Variants in ARNT2 observed in about 807,000 individuals in gnomAD.
ARNT2 encodes the protein ARNT protein 2.
Under a neutral mutation model 91.7 loss-of-function variants are expected in ARNT2, and 36 were observed. The ratio of observed to expected loss-of-function variants is 0.39; its 90% CI spans 0.30 to 0.52. The LOEUF (loss-of-function observed/expected upper bound fraction) is 0.52, where lower values mean the gene tolerates loss of function less well. Among genes scored for constraint, ARNT2 ranks in the 20% least tolerant of loss-of-function variants. The pLI, the probability that ARNT2 is intolerant of heterozygous loss-of-function variation, is 0.72. For missense variants in ARNT2, 775 were observed against 939.3 expected (o/e 0.83, Z 2.29); for synonymous variants, 365 against 347.1 (o/e 1.05, Z -0.57).
rs80123318 is a variant in ARNT2, at chr15:80,584,106, G to A, written c.1918+2702G>A. ...AGTGAACAGGTGATAGAGTGGAGAC[G>A]AAGCTGAGCAGGAGAGCAGGAAGGG... is the stretch of plus-strand genomic sequence containing the variant. On this transcript the variant is annotated intron_variant, in intron 17 of 18. Coordinates refer to ENST00000303329, the MANE Select transcript of ARNT2 (RefSeq NM_014862.4). 3.6e-3 allele frequency among the ~76,000 whole-genome samples: 551 copies of A among 152,332 alleles called. 2 individuals are homozygous for A. The highest frequency in any genetic ancestry group is 0.011 in the African/African-American group (455 of 41,578).
intron 1 of ARNT2, among the ~76,000 whole-genome samples, chr15:80,414,005 G>C (rs571784011): frequency 1.3e-5 from 2 of 152,350 alleles, no homozygotes; most frequent in East Asian, 1.9e-4. Context: ...GTCAGTAGAT[G>C]AGCTGAGTTC....
At chr15:80,515,090 A>G (rs1039190550) in intron 8 of ARNT2, among the ~76,000 whole-genome samples, 1 of 152,228 alleles carries the variant, frequency 6.6e-6, no homozygotes, top group African/African-American at 2.4e-5. Context: ...TCTCACTAAG[A>G]TGGTTAAAAG....
At chr15:80,450,185 G>A (rs993384634) in intron 1 of ARNT2, among the ~76,000 whole-genome samples, 137 of 152,332 alleles carry the variant, frequency 9.0e-4, no homozygotes, top group Middle Eastern at 3.4e-3. Context: ...CAATGTGCAG[G>A]AAAGGTACTC....
chr15:80,586,081 A>C (rs1282049744), intron 17 of ARNT2, among the ~76,000 whole-genome samples: 1 of 152,104 alleles, frequency 6.6e-6, no homozygotes, highest in Non-Finnish European at 1.5e-5. Flanking sequence ...GTTTCTTTTC[A>C]TCTCAACTAC....
At chr15:80,465,502 A>G (rs766788052) in intron 3 of ARNT2, among the ~76,000 whole-genome samples, 18 of 152,304 alleles carry the variant, frequency 1.2e-4, no homozygotes, top group Admixed American at 7.2e-4. Flanking sequence ...GGGCTGCTCT[A>G]CAGACATTCC....
chr15:80,536,719 A>G (rs1227163230), intron 8 of ARNT2, among the ~76,000 whole-genome samples: 3 of 152,124 alleles, frequency 2.0e-5, no homozygotes, highest in African/African-American at 7.2e-5. Flanking sequence ...ATCATGGGTA[A>G]AAGGAAGCAA....
intron 8 of ARNT2, among the ~76,000 whole-genome samples, chr15:80,516,794 C>A (rs1256669089): frequency 8.3e-6 from 1 of 120,944 alleles, no homozygotes; most frequent in African/African-American, 3.1e-5. Flanking sequence ...CCTAAGTTTG[C>A]AACATACATT....
At chr15:80,529,919 C>G (rs755871704) in intron 8 of ARNT2, among the ~76,000 whole-genome samples, 1 of 152,212 alleles carries the variant, frequency 6.6e-6, no homozygotes, top group Non-Finnish European at 1.5e-5. Flanking sequence ...TCCATCTTTG[C>G]TGAATTAAGG....
intron 17 of ARNT2, among the ~76,000 whole-genome samples, chr15:80,585,458 G>A (rs1220911181): frequency 6.6e-6 from 1 of 152,156 alleles, no homozygotes; most frequent in East Asian, 1.9e-4. Context: ...TAATAAATGT[G>A]GGCAGCAGCT....
chr15:80,435,057 G>T (rs150758207), intron 1 of ARNT2, among the ~76,000 whole-genome samples: 1 of 152,008 alleles, frequency 6.6e-6, no homozygotes, highest in Non-Finnish European at 1.5e-5. Context: ...ACCGGTTGTC[G>T]CCTGTACCAC....
chr15:80,481,891 G>A (rs995887960), intron 5 of ARNT2, among the ~76,000 whole-genome samples: 1 of 152,070 alleles, frequency 6.6e-6, no homozygotes, highest in Non-Finnish European at 1.5e-5. Flanking sequence ...ACACCATCAT[G>A]CCTGGCTCAT....
chr15:80,564,065 T>G (rs1898424542), intron 12 of ARNT2, among the ~76,000 whole-genome samples: 1 of 152,152 alleles, frequency 6.6e-6, no homozygotes, highest in African/African-American at 2.4e-5. Flanking sequence ...AACGCAAGCA[T>G]GTGGAAGCCA....
chr15:80,494,324 G>A (rs999906642), intron 5 of ARNT2, among the ~76,000 whole-genome samples: 11 of 151,942 alleles, frequency 7.2e-5, no homozygotes, highest in African/African-American at 2.2e-4. Flanking sequence ...AGCAAACTGC[G>A]AAGGAGGGAA....
At chr15:80,580,354 G>A (rs998851051) in intron 15 of ARNT2, 57 bp from the exon 16 acceptor site, 18 of 1,604,104 alleles carry the variant, frequency 1.1e-5, no homozygotes, top group Middle Eastern at 3.7e-4. Context: ...GGCTGGGCAC[G>A]TAGACTCATG....
At chr15:80,486,943 C>T (rs950604937) in intron 5 of ARNT2, among the ~76,000 whole-genome samples, 2 of 152,168 alleles carry the variant, frequency 1.3e-5, no homozygotes, top group Non-Finnish European at 1.5e-5. Flanking sequence ...CACTTTCCTG[C>T]TCTATTCCTC....
At chr15:80,431,712 C>T (rs940247294) in intron 1 of ARNT2, among the ~76,000 whole-genome samples, 1 of 152,154 alleles carries the variant, frequency 6.6e-6, no homozygotes, top group African/African-American at 2.4e-5. Flanking sequence ...TCCAGGCTAC[C>T]GGTTGTTGTC....
intron 2 of ARNT2, among the ~76,000 whole-genome samples, chr15:80,453,504 G>A (rs184449165): frequency 3.3e-5 from 5 of 152,322 alleles, no homozygotes; most frequent in East Asian, 1.9e-4. Flanking sequence ...TGCATCTGAC[G>A]TTTTTACATG....
At chr15:80,418,863 T>A (rs997009866) in intron 1 of ARNT2, among the ~76,000 whole-genome samples, 1 of 152,220 alleles carries the variant, frequency 6.6e-6, no homozygotes, top group Admixed American at 6.5e-5. Context: ...TTCAAGTTAA[T>A]TCATTTGTCC....
At chr15:80,574,004 A>G (rs1391097388) in intron 12 of ARNT2, 144 bp from the exon 13 acceptor site, 1 of 648,618 alleles carries the variant, frequency 1.5e-6, no homozygotes, top group Non-Finnish European at 2.7e-6. Flanking sequence ...GGCATTAAAA[A>G]TAAAATGATT....
Sources: gnomAD v4.1 joint callset for allele counts (sites outside exome capture counted in the v4.1 genomes callset) on GRCh38, gnomAD v4.1.1 for gene constraint, MANE v1.5 for transcripts, NCBI Gene and HGNC (gene_info 2026-07-23, HGNC 2026-07-21) for gene names.